The following MOG variants were observed in gnomAD, a reference collection of about 807,000 sequenced individuals.
MOG encodes the protein myelin-oligodendrocyte glycoprotein.
In MOG, 20 loss-of-function variants were observed where a neutral mutation model predicts 35.9. The observed-to-expected ratio is 0.56, with a 90% CI of 0.39 to 0.81. The LOEUF (loss-of-function observed/expected upper bound fraction) is 0.81. Ranked by LOEUF, MOG falls within the 30% of genes least tolerant of loss-of-function variation. The probability of loss-of-function intolerance (pLI) is 0.00; values close to 1 mark genes in which losing one functional copy is unlikely to be tolerated. For synonymous variants in MOG, 92 were observed against 114.3 expected, an observed-to-expected ratio of 0.80 and a Z score of 1.25; for missense variants, 251 against 301.0, an observed-to-expected ratio of 0.83 and a Z score of 1.23.
chr6:29,662,116 A>AT lies in MOG; in HGVS notation c.436+2457dup. 3.0e-6 allele frequency: 3 copies of AT among 984,890 alleles called. No homozygotes were observed. Among genetic ancestry groups the AT allele is most frequent in the Non-Finnish European group, 3.6e-6 (3 of 829,586 alleles). The allele number at this position is 984,890 out of a possible 1,614,324, so 61.0% of individuals were successfully genotyped here. On this transcript the variant is annotated intron_variant, in intron 2 of 7. Coordinates refer to ENST00000376917, the MANE Select transcript of MOG (RefSeq NM_206809.4). This position sits in a 1 kb window ranked among gnomAD's most constrained non-coding sequence, Gnocchi z 4.2. ...AGTTTCTAATTTCTCTTGTTTACTT[A>AT]TTTTTTTCTTGTCATTTTTGTGATT...
chr6:29,664,701 C>A (rs1320120787), intron 2 of MOG: 2 of 444,674 alleles, frequency 4.5e-6, no homozygotes, highest in Non-Finnish European at 9.0e-6. Flanking sequence ...ACCTCCCAGG[C>A]TCAAGTGATC....
intron 2 of MOG, among the ~76,000 whole-genome samples, chr6:29,663,332 T>C (rs1364948150): frequency 7.4e-6 from 1 of 135,140 alleles, no homozygotes; most frequent in Non-Finnish European, 1.6e-5. Context: ...ATAACCACAA[T>C]ACTATTATCA....
intron 1 of MOG, among the ~76,000 whole-genome samples, chr6:29,658,293 A>C (rs1767611591): frequency 6.6e-6 from 1 of 152,200 alleles, no homozygotes; most frequent in South Asian, 2.1e-4. Flanking sequence ...GGCACAGTGC[A>C]TCCACTCTCC....
intron 5 of MOG, among the ~76,000 whole-genome samples, chr6:29,668,395 C>T (rs1303508232): frequency 1.3e-5 from 2 of 152,136 alleles, no homozygotes; most frequent in Non-Finnish European, 2.9e-5. Flanking sequence ...AGCCACCAAG[C>T]CCCACTAGGA....
At position 29,666,235 on chromosome 6, in the gene MOG, A is replaced by C; in HGVS notation, c.520A>C (p.Ile174Leu). 1.2e-6 allele frequency: 2 copies of C among 1,612,154 alleles called. No homozygotes were observed. Among genetic ancestry groups the C allele is most frequent in the South Asian group, 1.1e-5 (1 of 91,064 alleles). The change falls in exon 3 of 8, where the codon ATC (isoleucine) becomes CTC (leucine). Residue 174 changes from isoleucine (I) to leucine (L), a missense_variant. By Grantham distance (5) the Ile-to-Leu change is conservative (BLOSUM62 2). Coordinates refer to ENST00000376917, the MANE Select transcript of MOG (RefSeq NM_206809.4). ...VLLLQITVGL[I>L]FLCLQYRLRG... is the part of the protein sequence containing the mutation. ...CCTCCTGCAGATCACTGTTGGCCTC[A>C]TCTTCCTCTGCCTGCAGTACAGACT... is the stretch of plus-strand genomic sequence containing the variant.
rs941059602 is a variant in MOG at position 29,671,671 on chromosome 6, G to C, written c.*486G>C. The stretch of plus-strand genomic sequence containing the variant: ...GAGGAAGAGTGCAAAACATTGAAGA[G>C]AGAGCTGAGTGAGCTGAAGAGTGAG... On this transcript the variant is annotated 3_prime_UTR_variant, in exon 8 of 8. Transcript: ENST00000376917. 61 of 609,136 alleles carry C rather than the reference G, an allele frequency of 1.0e-4. 1 individual carries two copies. In the East Asian group the frequency reaches 1.7e-3, roughly 17 times the overall value. The allele number at this position is 609,136 out of a possible 1,614,324, so 37.7% of individuals were successfully genotyped here. A position where few individuals can be genotyped will look rare whatever the true frequency, so the allele number is the denominator to read the frequency against.
At position 29,657,144 on chromosome 6, in the gene MOG, C is replaced by T; in HGVS notation, c.-66C>T. The T allele has an allele frequency of 1.7e-6, 2 of 1,171,678 alleles. No individual in the cohort carries two copies. Among genetic ancestry groups the T allele is most frequent in the Non-Finnish European group, 2.6e-6 (2 of 780,578 alleles). The allele number at this position is 1,171,678 out of a possible 1,614,324, so 72.6% of individuals were successfully genotyped here. A position where few individuals can be genotyped will look rare whatever the true frequency, so the allele number is the denominator to read the frequency against. ...GGCTTTTCAGCAGTAAGGGGACATG[C>T]ACCCCAAGGGCCTCCACTTGGCCTG... On this transcript the variant is annotated 5_prime_UTR_variant, in exon 1 of 8. Transcript: ENST00000376917.
intron 2 of MOG, 77 bp downstream of exon 2, chr6:29,659,743 C>A: frequency 8.5e-7 from 1 of 1,177,488 alleles, no homozygotes; most frequent in Non-Finnish European, 1.2e-6. Flanking sequence ...GAGATGAGAT[C>A]CCTCAACCCA....
In MOG at chr6:29,670,547, C is replaced by T. The variant is rs1771241822; in HGVS notation, c.709+150C>T. On this transcript the variant is annotated intron_variant, in intron 6 of 7. Coordinates refer to ENST00000376917, the MANE Select transcript of MOG (RefSeq NM_206809.4). The surrounding 1 kb of genome is among the most constrained non-coding windows in gnomAD (Gnocchi z 4.2). ...CTGTCCCCATGCCCAACCCCAGGCTCTTCTGAGAAACTGTGAAGAGAACCA... is the reference window on the plus strand; with the variant it reads ...CTGTCCCCATGCCCAACCCCAGGCTTTTCTGAGAAACTGTGAAGAGAACCA... 2 of 1,541,658 alleles carry T rather than the reference C, an allele frequency of 1.3e-6. No homozygotes were observed. Among genetic ancestry groups the T allele is most frequent in the African/African-American group, 1.4e-5 (1 of 73,496 alleles).
Position 29,671,497 on chromosome 6 carries a change from G to T in MOG, c.*312G>T. The stretch of plus-strand genomic sequence containing the variant: ...TCCATCAGAGGACACCTGTACTGGA[G>T]AGCAACACAGGATGGTCTCTGCCAT... On this transcript the variant is annotated 3_prime_UTR_variant, in exon 8 of 8. Transcript: ENST00000376917. 8.1e-7 allele frequency: 1 copy of T among 1,228,640 alleles called. No individual in the cohort carries two copies. Among genetic ancestry groups the T allele is most frequent in the Non-Finnish European group, 1.2e-6 (1 of 829,520 alleles). The allele number at this position is 1,228,640 out of a possible 1,614,324, so 76.1% of individuals were successfully genotyped here. A position where few individuals can be genotyped will look rare whatever the true frequency, so the allele number is the denominator to read the frequency against.
In MOG at chr6:29,671,735, A is replaced by T. The variant is rs769183671; in HGVS notation, c.*550A>T. 9.3e-6 allele frequency: 5 copies of T among 536,228 alleles called. No homozygotes were observed. The highest frequency in any genetic ancestry group is 1.7e-5 in the Non-Finnish European group (5 of 301,378). 33.2% of individuals were successfully genotyped at this position (536,228 alleles called of 1,614,324 possible). On this transcript the variant is annotated 3_prime_UTR_variant, in exon 8 of 8. Transcript: ENST00000376917. ...CCAACCCAAACCTGGAGATGGGGAGAAACCTACAGAATACTAGCCAGAGCT... is the reference window on the plus strand; with the variant it reads ...CCAACCCAAACCTGGAGATGGGGAGTAACCTACAGAATACTAGCCAGAGCT...
In MOG at chr6:29,666,195, G is replaced by A. The variant is rs148630553; in HGVS notation, c.480G>A (p.Ala160=). 8.7e-6 allele frequency: 14 copies of A among 1,612,892 alleles called. No homozygotes were observed. The highest frequency in any genetic ancestry group is 4.4e-5 in the South Asian group (4 of 91,078). Residue 160 remains alanine (A), a synonymous_variant, in exon 3 of 8, where the codon GCG becomes GCA. Coordinates refer to ENST00000376917, the MANE Select transcript of MOG (RefSeq NM_206809.4). Reference sequence around the variant, plus strand: ...GCCCTGGAGTGCTGGTTCTCCTCGCGGTGCTGCCTGTGCTCCTCCTGCAGA... The same window carrying A: ...GCCCTGGAGTGCTGGTTCTCCTCGCAGTGCTGCCTGTGCTCCTCCTGCAGA... ...WVSPGVLVLL[A]VLPVLLLQIT...
chr6:29,658,877 C>G (rs75443354), intron 1 of MOG, among the ~76,000 whole-genome samples: 1 of 152,148 alleles, frequency 6.6e-6, no homozygotes, highest in South Asian at 2.1e-4. Context: ...GCTTTGGGGC[C>G]AAGGCAGGCG....
intron 2 of MOG, among the ~76,000 whole-genome samples, chr6:29,663,018 C>G (rs1769219335): frequency 6.6e-6 from 1 of 152,066 alleles, no homozygotes. Context: ...ACCTGTAATC[C>G]CAGTACTTTG....
intron 3 of MOG, 35 bp from the exon 4 acceptor site, chr6:29,667,608 T>A: frequency 6.2e-7 from 1 of 1,613,478 alleles, no homozygotes; most frequent in Non-Finnish European, 8.5e-7. Flanking sequence ...AGCCAGAACA[T>A]GCAGGAACTA....
chr6:29,657,336 A>T (rs565388837), intron 1 of MOG, 39 bp downstream of exon 1: 2 of 1,466,736 alleles, frequency 1.4e-6, no homozygotes, highest in South Asian at 2.4e-5. Context: ...GGAGACCCTG[A>T]AAACAGAAAG....
intron 1 of MOG, among the ~76,000 whole-genome samples, chr6:29,657,994 C>T (rs1767541761): frequency 6.6e-6 from 1 of 152,182 alleles, no homozygotes; most frequent in African/African-American, 2.4e-5. Context: ...CTACTTCTTA[C>T]TTGTCTTTCC....
At chr6:29,666,665 G>A (rs1362649033) in intron 3 of MOG, among the ~76,000 whole-genome samples, 2 of 152,154 alleles carry the variant, frequency 1.3e-5, no homozygotes, top group Non-Finnish European at 2.9e-5. Context: ...TAGGCTATTA[G>A]GAGTTTTGAA....
intron 2 of MOG, among the ~76,000 whole-genome samples, chr6:29,665,166 G>C (rs759391602): frequency 6.6e-6 from 1 of 150,868 alleles, no homozygotes; most frequent in Non-Finnish European, 1.5e-5. Context: ...GCAAGATCTC[G>C]GCTCACCTCA....
Sources: gnomAD v4.1 joint callset for allele counts (sites outside exome capture counted in the v4.1 genomes callset) on GRCh38, gnomAD v4.1.1 for gene constraint, Gnocchi (gnomAD v3.1) non-coding constraint, MANE v1.5 for transcripts, NCBI Gene and HGNC (gene_info 2026-07-23, HGNC 2026-07-21) for gene names.